CDH23: variants seen among roughly 807,000 people sequenced by gnomAD.
CDH23 encodes cadherin related 23, also known as cadherin-23.
In CDH23, 189 loss-of-function variants were observed where a neutral mutation model predicts 317.1. The ratio of observed to expected loss-of-function variants is 0.60; its 90% CI spans 0.53 to 0.67. CDH23 has a LOEUF of 0.67. CDH23 is among the 30% of genes least tolerant of loss of function. The pLI is 0.00. For missense variants in CDH23, 4,401 were observed against 4,592.4 expected (o/e 0.96, Z 1.20); for synonymous variants, 1,839 against 1,876.8 (o/e 0.98, Z 0.52).
At chr10:71,716,038 C>T (rs1167021481) in intron 28 of CDH23, 3 of 1,507,194 alleles carry the variant, frequency 2.0e-6, no homozygotes, top group Non-Finnish European at 2.7e-6. Context: ...GGAAGCTGTG[C>T]AGGGAGAGGC....
chr10:71,539,297 C>T (rs914371759), intron 6 of CDH23, among the ~76,000 whole-genome samples: 1 of 152,166 alleles, frequency 6.6e-6, no homozygotes, highest in Non-Finnish European at 1.5e-5. Context: ...CCAGACCAGT[C>T]CCAGCCCTCC....
rs1378230999 is a variant in CDH23, at chr10:71,712,917, GGGGGC to G, written c.3369+105_3369+109del. 30 of 1,379,342 alleles carry G rather than the reference GGGGGC, an allele frequency of 2.2e-5. No individual in the cohort carries two copies. The African/African-American group carries it at 2.7e-4, about 13-fold the overall frequency. 85.4% of individuals were successfully genotyped at this position (1,379,342 alleles called of 1,614,324 possible). ...AGTGGCACCAGAGGCGGAAGCAGGT[GGGGGC>G]CCAGGGTGGGTCCGCTGCTCTGGAA... On this transcript the variant is annotated intron_variant, in intron 28 of 69. Coordinates refer to ENST00000224721, the MANE Select transcript of CDH23 (RefSeq NM_022124.6).
chr10:71,434,200 T>C (rs550543322), intron 1 of CDH23, among the ~76,000 whole-genome samples: 7 of 152,208 alleles, frequency 4.6e-5, no homozygotes, highest in Non-Finnish European at 1.0e-4. Context: ...TGCGAGTGCA[T>C]GCTCATATGT....
chr10:71,761,983 A>G (rs767420995), intron 38 of CDH23: 3 of 1,612,982 alleles, frequency 1.9e-6, no homozygotes, highest in African/African-American at 1.3e-5. Context: ...CGGGACAGAC[A>G]TACAGGGAAT....
At chr10:71,528,036 G>T (rs1589166894) in intron 6 of CDH23, among the ~76,000 whole-genome samples, 1 of 152,116 alleles carries the variant, frequency 6.6e-6, no homozygotes, top group African/African-American at 2.4e-5. Flanking sequence ...TTTGACTCTG[G>T]CTAGCTTCCC....
chr10:71,722,962 G>T (rs1184001162), intron 28 of CDH23, among the ~76,000 whole-genome samples: 1 of 152,070 alleles, frequency 6.6e-6, no homozygotes, highest in African/African-American at 2.4e-5. Context: ...AATCTCTCTG[G>T]GCCCAAGGTC....
chr10:71,726,357 C>A (rs1350733985), intron 30 of CDH23, among the ~76,000 whole-genome samples: 1 of 152,192 alleles, frequency 6.6e-6, no homozygotes, highest in Non-Finnish European at 1.5e-5. Flanking sequence ...ATCTCCACCC[C>A]CTGCTTCCCC....
rs1861239045 is a variant in CDH23 at position 71,617,278 on chromosome 10, A to G, written c.1019A>G (p.Asp340Gly). The G allele has an allele frequency of 2.5e-6, 4 of 1,614,000 alleles. No individual in the cohort carries two copies. Among genetic ancestry groups the G allele is most frequent in the Non-Finnish European group, 3.4e-6 (4 of 1,179,892 alleles). ...ACGACCTTCAATATCCTGGTTATTG[A>G]CATCAATGACAATGCCCCGGAGTTC... is the stretch of plus-strand genomic sequence containing the variant. Reference protein sequence around the residue: ...VTTTFNILVIDINDNAPEFNS... With the variant: ...VTTTFNILVIGINDNAPEFNS... Residue 340 changes from aspartate to glycine, a missense_variant, in exon 11 of 70, where the codon GAC becomes GGC. Transcript: ENST00000224721.
chr10:71,798,549 G>A lies in CDH23; in HGVS notation c.7025G>A (p.Gly2342Glu). 1 of 1,612,684 alleles carries A rather than the reference G, an allele frequency of 6.2e-7. No individual in the cohort carries two copies. Among genetic ancestry groups the A allele is most frequent in the Non-Finnish European group, 8.5e-7 (1 of 1,179,224 alleles). The change falls in exon 50 of 70, where the codon GGG (glycine) becomes GAG (glutamate). Residue 2342 changes from glycine to glutamate, a missense_variant. This residue lies in a region of CDH23 where 3,068 missense variants were observed against 3,203.3 expected (regional missense o/e 0.96). Transcript: ENST00000224721. ...ACCCTGCTGGACCTGGTGCCCCCAG[G>A]GTATGTCCAGCTGGAGGACTCCTCG... Reference protein sequence around the residue: ...TYTLLDLVPPGYVQLEDSSAG... With the variant: ...TYTLLDLVPPEYVQLEDSSAG...
At chr10:71,550,805 G>A (rs1856554308) in intron 6 of CDH23, among the ~76,000 whole-genome samples, 2 of 152,088 alleles carry the variant, frequency 1.3e-5, no homozygotes, top group East Asian at 3.9e-4. Flanking sequence ...CTGCTGACAC[G>A]GGGCTTGCTA....
chr10:71,662,952 G>A (rs770354755), intron 14 of CDH23, among the ~76,000 whole-genome samples: 29 of 152,320 alleles, frequency 1.9e-4, no homozygotes, highest in African/African-American at 6.0e-4. Flanking sequence ...GGCTCCAGGC[G>A]TTCAGGGCCT....
At chr10:71,493,855 A>G (rs1482916972) in intron 3 of CDH23, among the ~76,000 whole-genome samples, 1 of 152,176 alleles carries the variant, frequency 6.6e-6, no homozygotes, top group African/African-American at 2.4e-5. Flanking sequence ...CTTTTTTTTA[A>G]TTATAATAGC....
In CDH23 at chr10:71,791,254, A is replaced by C. The variant is rs749085694; in HGVS notation, c.6172A>C (p.Thr2058Pro). Residue 2058 changes from threonine (T) to proline (P), a missense_variant, in exon 47 of 70, where the codon ACC becomes CCC. Transcript: ENST00000224721. ...CAACAGCACGGCCCACCTGCTCATCACCATCCTGGATGACAATGACAACCG... is the reference window on the plus strand; with the variant it reads ...CAACAGCACGGCCCACCTGCTCATCCCCATCCTGGATGACAATGACAACCG... ...LLNSTAHLLI[T>P]ILDDNDNRPT... 6.2e-7 allele frequency: 1 copy of C among 1,613,810 alleles called. No homozygotes were observed. The highest frequency in any genetic ancestry group is 1.1e-5 in the South Asian group (1 of 91,038).
intron 38 of CDH23, among the ~76,000 whole-genome samples, chr10:71,771,429 C>T (rs757494666): frequency 6.6e-6 from 1 of 152,216 alleles, no homozygotes; most frequent in Non-Finnish European, 1.5e-5. Context: ...GGGCAACATA[C>T]CCAGGGCAAC....
chr10:71,416,045 ATTTG>A (rs1318275700), intron 1 of CDH23, among the ~76,000 whole-genome samples: 2 of 152,076 alleles, frequency 1.3e-5, no homozygotes, highest in African/African-American at 4.8e-5. Context: ...GTCCTTACTG[ATTTG>A]TTTTTCACCT....
chr10:71,510,880 C>T (rs1853932209), intron 4 of CDH23, 74 bp from the exon 5 acceptor site: 1 of 1,466,906 alleles, frequency 6.8e-7, no homozygotes, highest in South Asian at 1.1e-5. Context: ...GCCCCTCCCG[C>T]CCCATTTAGG....
chr10:71,512,941 G>A (rs531056776), intron 6 of CDH23, among the ~76,000 whole-genome samples: 15 of 152,336 alleles, frequency 9.8e-5, no homozygotes, highest in African/African-American at 3.4e-4. Context: ...AGAGGCAAGA[G>A]ACCCTGGGTC....
Position 71,690,381 on chromosome 10 carries a change from C to A in CDH23, c.2060-87C>A, listed in dbSNP as rs374440280. 121 of 973,834 alleles carry A rather than the reference C, an allele frequency of 1.2e-4. 1 individual carries two copies. In the South Asian group the frequency reaches 1.8e-3, roughly 14 times the overall value. The allele number at this position is 973,834 out of a possible 1,614,324, so 60.3% of individuals were successfully genotyped here. A position where few individuals can be genotyped will look rare whatever the true frequency, so the allele number is the denominator to read the frequency against. ...GTCCCACGTCCTCCTCTTGGGCCAG[C>A]GCAAATGCTGCTCCCAGGGCTGGGG... On this transcript the variant is annotated intron_variant, in intron 19 of 69. Transcript: ENST00000224721.
intron 31 of CDH23, 64 bp from the exon 32 acceptor site, chr10:71,731,923 G>A (rs1319920128): frequency 1.3e-6 from 2 of 1,533,146 alleles, no homozygotes; most frequent in Admixed American, 1.9e-5. Flanking sequence ...GGCAGCTTGA[G>A]AAGCCACAGC....
Sources: allele counts gnomAD v4.1 joint callset (sites outside exome capture counted in the v4.1 genomes callset), GRCh38; gene constraint gnomAD v4.1.1; regional missense constraint gnomAD v4.1.1; transcripts MANE v1.5; gene names NCBI Gene and HGNC (gene_info 2026-07-23, HGNC 2026-07-21).